The following NRXN1 variants were observed in gnomAD, a reference collection of about 807,000 sequenced individuals.
NRXN1 encodes the protein neurexin 1.
NRXN1 carries 39 observed loss-of-function variants against 150.9 expected under a neutral mutation model. That is an observed-to-expected ratio of 0.26 (90% CI 0.20 to 0.34). The LOEUF (loss-of-function observed/expected upper bound fraction) is 0.34. Ranked by LOEUF, NRXN1 falls within the 10% of genes least tolerant of loss-of-function variation. The pLI is 1.00. For missense variants in NRXN1, 1,815 were observed against 1,949.9 expected, an observed-to-expected ratio of 0.93 and a Z score of 1.30; for synonymous variants, 924 against 757.0, an observed-to-expected ratio of 1.22 and a Z score of -3.62.
intron 12 of NRXN1, among the ~76,000 whole-genome samples, chr2:50,512,167 C>A (rs2092475215): frequency 6.6e-6 from 1 of 151,986 alleles, no homozygotes; most frequent in African/African-American, 2.4e-5. Context: ...TGAAAGAGTG[C>A]AATGTTATAG....
intron 18 of NRXN1, among the ~76,000 whole-genome samples, chr2:50,147,370 A>C (rs1365887443): frequency 6.6e-6 from 1 of 151,766 alleles, no homozygotes; most frequent in Non-Finnish European, 1.5e-5. Context: ...AAGAAGCAGC[A>C]TCCAAATAAC....
chr2:50,344,896 C>G (rs190083214), intron 17 of NRXN1, among the ~76,000 whole-genome samples: 25 of 152,312 alleles, frequency 1.6e-4, no homozygotes, highest in Non-Finnish European at 3.2e-4. Flanking sequence ...ACCCATCTGC[C>G]TCACCACACC....
intron 18 of NRXN1, among the ~76,000 whole-genome samples, chr2:50,186,298 A>G (rs1424717499): frequency 6.6e-6 from 1 of 152,112 alleles, no homozygotes; most frequent in Non-Finnish European, 1.5e-5. Flanking sequence ...AAATAAATCT[A>G]AGTCTTCATG....
chr2:50,062,215 C>T (rs190244433), intron 19 of NRXN1, among the ~76,000 whole-genome samples: 8 of 152,048 alleles, frequency 5.3e-5, no homozygotes, highest in African/African-American at 1.9e-4. Context: ...AAACTAATTC[C>T]AAATATGATA....
chr2:50,681,867 T>A (rs1046948855), intron 5 of NRXN1, among the ~76,000 whole-genome samples: 1 of 96,000 alleles, frequency 1.0e-5, no homozygotes, highest in Non-Finnish European at 2.3e-5. Context: ...GAAATCAGCA[T>A]AGTAATTAAA....
chr2:50,227,757 G>C (rs1328605407), intron 18 of NRXN1, among the ~76,000 whole-genome samples: 1 of 151,968 alleles, frequency 6.6e-6, no homozygotes, highest in Admixed American at 6.6e-5. Context: ...ATTAAACTAA[G>C]GCAATAATAG....
At chr2:50,042,693 C>T (rs1217344326) in intron 21 of NRXN1, among the ~76,000 whole-genome samples, 1 of 316 alleles carries the variant, frequency 3.2e-3, no homozygotes, top group Non-Finnish European at 6.7e-3. Flanking sequence ...AGCATACACA[C>T]ATTAAGACAA....
chr2:50,699,293 C>T (rs563826780), intron 5 of NRXN1, among the ~76,000 whole-genome samples: 139 of 152,302 alleles, frequency 9.1e-4, no homozygotes, highest in African/African-American at 3.2e-3. Flanking sequence ...ACAGAATCCT[C>T]ACCACCACCA....
chr2:50,842,669 C>T (rs1350524161), intron 5 of NRXN1, among the ~76,000 whole-genome samples: 2 of 152,148 alleles, frequency 1.3e-5, no homozygotes, highest in African/African-American at 4.8e-5. Flanking sequence ...TAGTAACCCA[C>T]TACAAACTAG....
chr2:50,942,797 G>A (rs1202251492), intron 2 of NRXN1, among the ~76,000 whole-genome samples: 1 of 152,150 alleles, frequency 6.6e-6, no homozygotes, highest in Non-Finnish European at 1.5e-5. Flanking sequence ...CTTTGGACTT[G>A]GACTTTTGAG....
At chr2:50,562,328 A>ATGATAGATAGATAGAT (rs1558940727) in intron 8 of NRXN1, among the ~76,000 whole-genome samples, 2 of 102,922 alleles carry the variant, frequency 1.9e-5, no homozygotes, top group Non-Finnish European at 3.6e-5. Context: ...TGATAGATAT[A>ATGATAGATAGATAGAT]CGATAGATAG....
rs547369540 is a variant in NRXN1, at chr2:49,936,843, T to C, written c.4216+6861A>G. Among the ~76,000 whole-genome samples the C allele has an allele frequency of 6.0e-4, 82 of 136,976 alleles. 1 individual carries two copies. Among genetic ancestry groups the C allele is most frequent in the East Asian group, 2.3e-3 (10 of 4,390 alleles). 89.9% of individuals were successfully genotyped at this position (136,976 alleles called of 152,430 possible). On this transcript the variant is annotated intron_variant, in intron 22 of 22. Transcript: ENST00000401669. ...ACACACACACACACACACACACACA[T>C]ATGAAATACCTTTTGCTTGTGATTT...
At chr2:50,042,334 C>G (rs1363221564) in intron 21 of NRXN1, among the ~76,000 whole-genome samples, 2 of 152,132 alleles carry the variant, frequency 1.3e-5, no homozygotes, top group Non-Finnish European at 2.9e-5. Flanking sequence ...TTCCCCCATG[C>G]TATTCTCATG....
intron 5 of NRXN1, among the ~76,000 whole-genome samples, chr2:50,653,371 T>C (rs925915082): frequency 3.3e-5 from 5 of 152,032 alleles, no homozygotes; most frequent in Non-Finnish European, 7.4e-5. Context: ...TTGCCTTATA[T>C]AGTCGTATTT....
At chr2:50,601,770 A>G (rs1676316754) in intron 8 of NRXN1, among the ~76,000 whole-genome samples, 1 of 152,218 alleles carries the variant, frequency 6.6e-6, no homozygotes, top group African/African-American at 2.4e-5. Flanking sequence ...TGCCATACAC[A>G]TCATACACTG....
At chr2:50,645,896 A>G (rs1372914450) in intron 5 of NRXN1, among the ~76,000 whole-genome samples, 2 of 151,962 alleles carry the variant, frequency 1.3e-5, no homozygotes, top group African/African-American at 2.4e-5. Context: ...TAAATCACAC[A>G]TTAAACAAAT....
chr2:50,896,254 G>A (rs1424600706), intron 5 of NRXN1, among the ~76,000 whole-genome samples: 1 of 152,094 alleles, frequency 6.6e-6, no homozygotes, highest in Non-Finnish European at 1.5e-5. Flanking sequence ...CAGATATTAT[G>A]GGAAGAGAGC....
At chr2:49,955,635 T>G (rs1674792378) in intron 21 of NRXN1, among the ~76,000 whole-genome samples, 1 of 151,894 alleles carries the variant, frequency 6.6e-6, no homozygotes, top group Non-Finnish European at 1.5e-5. Flanking sequence ...TACATAATAT[T>G]CCTCAACTAT....
chr2:50,976,456 A>G (rs1218747942), intron 2 of NRXN1, among the ~76,000 whole-genome samples: 3 of 151,946 alleles, frequency 2.0e-5, no homozygotes, highest in South Asian at 2.1e-4. Context: ...TTTGAAGAGA[A>G]TATGTTATCC....
Sources: gnomAD v4.1 joint callset for allele counts (sites outside exome capture counted in the v4.1 genomes callset) on GRCh38, gnomAD v4.1.1 for gene constraint, MANE v1.5 for transcripts, NCBI Gene and HGNC (gene_info 2026-07-23, HGNC 2026-07-21) for gene names.